The following KAZN variants were observed in gnomAD, a reference collection of about 807,000 sequenced individuals.
KAZN encodes the protein kazrin.
In KAZN, 40 loss-of-function variants were observed where a neutral mutation model predicts 87.4. The observed-to-expected ratio is 0.46, with a 90% CI of 0.36 to 0.60. The LOEUF (loss-of-function observed/expected upper bound fraction) is 0.60. KAZN is among the 20% of genes least tolerant of loss of function. The pLI, the probability that KAZN is intolerant of heterozygous loss-of-function variation, is 0.00. For missense variants in KAZN, 898 were observed against 1,073.9 expected, an observed-to-expected ratio of 0.84 and a Z score of 2.29; for synonymous variants, 466 against 458.3, an observed-to-expected ratio of 1.02 and a Z score of -0.22.
At chr1:14,617,494 A>G (rs1179801272) in intron 1 of KAZN, among the ~76,000 whole-genome samples, 1 of 152,202 alleles carries the variant, frequency 6.6e-6, no homozygotes, top group East Asian at 1.9e-4. Flanking sequence ...TTTGATTTGT[A>G]AAAAACAAAA....
intron 1 of KAZN, among the ~76,000 whole-genome samples, chr1:14,099,277 A>T (rs932035919): frequency 2.6e-5 from 4 of 152,140 alleles, no homozygotes; most frequent in African/African-American, 9.7e-5. Context: ...AACTAAAGGA[A>T]ATCAGAGATC....
chr1:14,565,505 G>T (rs1050205034), intron 2 of KAZN, among the ~76,000 whole-genome samples: 1 of 152,260 alleles, frequency 6.6e-6, no homozygotes, highest in Non-Finnish European at 1.5e-5. Flanking sequence ...GGTTAGCGTG[G>T]CTCTGGCAAT....
chr1:14,487,202 T>C (rs1166254498), intron 2 of KAZN, among the ~76,000 whole-genome samples: 3 of 152,206 alleles, frequency 2.0e-5, no homozygotes, highest in African/African-American at 7.2e-5. Flanking sequence ...ACCTCCTGTT[T>C]TGTTTGACCT....
At chr1:14,475,426 G>A (rs1318338778) in intron 2 of KAZN, among the ~76,000 whole-genome samples, 1 of 152,136 alleles carries the variant, frequency 6.6e-6, no homozygotes, top group African/African-American at 2.4e-5. Flanking sequence ...CCAGTGCCCA[G>A]GACACAGTAG....
At chr1:14,011,861 A>G (rs1249473003) in intron 1 of KAZN, among the ~76,000 whole-genome samples, 2 of 152,244 alleles carry the variant, frequency 1.3e-5, no homozygotes, top group East Asian at 3.8e-4. Context: ...AGTGGAATAC[A>G]GGCTGGCAGA....
At chr1:15,084,490 A>G (rs1640158446) in intron 8 of KAZN, among the ~76,000 whole-genome samples, 2 of 152,282 alleles carry the variant, frequency 1.3e-5, no homozygotes, top group Non-Finnish European at 2.9e-5. Context: ...CAAGACGTCT[A>G]CAGACAAAAA....
intron 1 of KAZN, among the ~76,000 whole-genome samples, chr1:14,948,519 T>C (rs1662101725): frequency 6.6e-6 from 1 of 152,008 alleles, no homozygotes; most frequent in South Asian, 2.1e-4. Context: ...GTAATCTCAT[T>C]AGCCAGACTG....
At chr1:13,898,503 CAAA>C (rs1464560549) in intron 1 of KAZN, among the ~76,000 whole-genome samples, 2 of 152,202 alleles carry the variant, frequency 1.3e-5, no homozygotes, top group Non-Finnish European at 2.9e-5. Context: ...TTGCTTGACC[CAAA>C]CAACTAAAGT....
chr1:14,530,917 C>CA (rs1198123312), intron 2 of KAZN, among the ~76,000 whole-genome samples: 1 of 152,066 alleles, frequency 6.6e-6, no homozygotes, highest in African/African-American at 2.4e-5. Context: ...CTTGTCTCTA[C>CA]AAAAAATTAG....
chr1:14,071,308 G>A (rs742545), intron 1 of KAZN, among the ~76,000 whole-genome samples: 19,373 of 152,092 alleles, frequency 0.13, 1,763 homozygotes, highest in East Asian at 0.52. Flanking sequence ...TGATGTCTTT[G>A]CTTTAATCAC....
Position 14,763,125 on chromosome 1 carries a change from G to A in KAZN, c.226+163902G>A, listed in dbSNP as rs150727335. ...ATAGGCAAAGTGAGAGGTATGGTGT[G>A]GCCAATAAAGTAGTCATGCCAGTAG... On this transcript the variant is annotated intron_variant, in intron 1 of 14. Transcript: ENST00000376030. 7.7e-3 allele frequency among the ~76,000 whole-genome samples: 1,175 copies of A among 152,286 alleles called. 14 individuals are homozygous for A. Among genetic ancestry groups the A allele is most frequent in the Non-Finnish European group, 8.7e-3 (589 of 68,022 alleles).
chr1:15,041,354 TGAGATGGA>T (rs1672907898), intron 3 of KAZN, among the ~76,000 whole-genome samples: 5 of 147,900 alleles, frequency 3.4e-5, no homozygotes, highest in South Asian at 4.2e-4. Flanking sequence ...TTTGTTTTTT[TGAGATGGA>T]GTTTTGCTCT....
chr1:14,222,567 T>G (rs189681894), intron 2 of KAZN, among the ~76,000 whole-genome samples: 10 of 152,296 alleles, frequency 6.6e-5, no homozygotes, highest in African/African-American at 2.4e-4. Context: ...TGCCTAAACA[T>G]TTTTAGAAAC....
intron 1 of KAZN, among the ~76,000 whole-genome samples, chr1:14,805,685 T>C (rs1423990425): frequency 6.6e-6 from 1 of 151,640 alleles, no homozygotes; most frequent in Non-Finnish European, 1.5e-5. Flanking sequence ...CACTTGAACC[T>C]GGGAGGTGGA....
chr1:14,429,613 T>G (rs1665931093), intron 2 of KAZN, among the ~76,000 whole-genome samples: 2 of 151,938 alleles, frequency 1.3e-5, no homozygotes, highest in South Asian at 4.2e-4. Flanking sequence ...CCAAAATCAA[T>G]AAACATAATA....
intron 1 of KAZN, among the ~76,000 whole-genome samples, chr1:14,903,809 T>C (rs1300443895): frequency 6.6e-6 from 1 of 152,248 alleles, no homozygotes; most frequent in African/African-American, 2.4e-5. Context: ...ATGTATTGAA[T>C]GCTAACTCTG....
At chr1:13,922,889 G>A (rs975656883) in intron 1 of KAZN, among the ~76,000 whole-genome samples, 14 of 152,106 alleles carry the variant, frequency 9.2e-5, no homozygotes, top group Non-Finnish European at 1.2e-4. Flanking sequence ...ATAGTTTAGC[G>A]CTTAGAACAT....
intron 2 of KAZN, among the ~76,000 whole-genome samples, chr1:14,998,070 T>C (rs529646825): frequency 6.6e-6 from 1 of 151,100 alleles, no homozygotes; most frequent in East Asian, 2.0e-4. Flanking sequence ...TGTGGGTCTG[T>C]GCCCAGGAGC....
intron 2 of KAZN, among the ~76,000 whole-genome samples, chr1:14,535,284 A>C (rs1672422479): frequency 6.6e-6 from 1 of 152,354 alleles, no homozygotes; most frequent in Non-Finnish European, 1.5e-5. Flanking sequence ...CTGTGACAAG[A>C]CCTTATAAAT....
Sources: gnomAD v4.1 joint callset for allele counts (sites outside exome capture counted in the v4.1 genomes callset) on GRCh38, gnomAD v4.1.1 for gene constraint, MANE v1.5 for transcripts, NCBI Gene and HGNC (gene_info 2026-07-23, HGNC 2026-07-21) for gene names.